The following PDE1C variants were observed in gnomAD, a reference collection of about 807,000 sequenced individuals.
PDE1C encodes phosphodiesterase 1C.
A neutral mutation model predicts 93.1 loss-of-function variants in PDE1C; 62 were observed. The ratio of observed to expected loss-of-function variants is 0.67; its 90% CI spans 0.54 to 0.82. PDE1C has a LOEUF of 0.82. Ranked by LOEUF, PDE1C falls within the 40% of genes least tolerant of loss-of-function variation. PDE1C has a pLI of 0.00. For synonymous variants in PDE1C, 325 were observed against 310.1 expected, an observed-to-expected ratio of 1.05 and a Z score of -0.50; for missense variants, 742 against 884.6, an observed-to-expected ratio of 0.84 and a Z score of 2.04.
At chr7:32,293,761 G>A (rs1812475448) in intron 1 of PDE1C, among the ~76,000 whole-genome samples, 1 of 152,166 alleles carries the variant, frequency 6.6e-6, no homozygotes, top group Non-Finnish European at 1.5e-5. Context: ...GTAGGTCCAT[G>A]AGCACTGGGA....
intron 1 of PDE1C, among the ~76,000 whole-genome samples, chr7:32,360,296 A>G (rs1277708598): frequency 2.0e-5 from 3 of 152,208 alleles, no homozygotes; most frequent in Admixed American, 1.3e-4. Context: ...AAGATGAGAG[A>G]CCTAAAGCAA....
At chr7:32,240,068 G>C (rs1165265121) in intron 1 of PDE1C, among the ~76,000 whole-genome samples, 2 of 152,178 alleles carry the variant, frequency 1.3e-5, no homozygotes, top group Non-Finnish European at 2.9e-5. Flanking sequence ...TGTTTGTGTG[G>C]ATTTTTTGTT....
the PDE1C span, among the ~76,000 whole-genome samples, chr7:31,628,220 C>T: frequency 1.3e-5 from 2 of 152,166 alleles, no homozygotes; most frequent in Non-Finnish European, 2.9e-5. Context: ...GCCCTTCAAT[C>T]TCCTACTCCT....
intron 6 of PDE1C, among the ~76,000 whole-genome samples, chr7:31,870,224 T>C (rs1795768966): frequency 6.6e-6 from 1 of 151,384 alleles, no homozygotes; most frequent in African/African-American, 2.4e-5. Flanking sequence ...CAAACTGAAA[T>C]TAGTAAAAAA....
intron 2 of PDE1C, among the ~76,000 whole-genome samples, chr7:32,021,703 T>C (rs1271691027): frequency 6.6e-6 from 1 of 152,100 alleles, no homozygotes; most frequent in Non-Finnish European, 1.5e-5. Flanking sequence ...CCTCTAGCAT[T>C]TTCAGTTTAT....
chr7:31,917,554 A>C (rs1376149529), intron 2 of PDE1C, among the ~76,000 whole-genome samples: 1 of 152,112 alleles, frequency 6.6e-6, no homozygotes, highest in Non-Finnish European at 1.5e-5. Flanking sequence ...TAATAACATC[A>C]ACTGTCTTAA....
exon 1 of PDE1C, chr7:32,299,322 A>G (rs1409830823): frequency 1.0e-6 from 1 of 985,632 alleles, no homozygotes; most frequent in Non-Finnish European, 1.2e-6. Flanking sequence ...ACTCCAAACA[A>G]GGAAGTCGGG....
At chr7:32,420,085 G>A (rs1785362014) in intron 1 of PDE1C, among the ~76,000 whole-genome samples, 1 of 96,890 alleles carries the variant, frequency 1.0e-5, no homozygotes, top group African/African-American at 4.0e-5. Context: ...ATAGCCAGGT[G>A]TGGTGGCATA....
At chr7:31,985,420 A>C (rs974384040) in intron 2 of PDE1C, among the ~76,000 whole-genome samples, 1 of 152,008 alleles carries the variant, frequency 6.6e-6, no homozygotes, top group African/African-American at 2.4e-5. Flanking sequence ...GTTTTTTATT[A>C]TTTATTTATT....
At chr7:32,350,515 G>C (rs1783941792) in intron 1 of PDE1C, among the ~76,000 whole-genome samples, 1 of 148,738 alleles carries the variant, frequency 6.7e-6, no homozygotes, top group African/African-American at 2.6e-5. Flanking sequence ...TTAGAATCTG[G>C]TCCAACTAAG....
At chr7:32,317,038 C>T (rs951635360) in intron 1 of PDE1C, among the ~76,000 whole-genome samples, 3 of 152,178 alleles carry the variant, frequency 2.0e-5, no homozygotes, top group Admixed American at 1.3e-4. Flanking sequence ...GCCAGCGCTC[C>T]ACACACGCCT....
chr7:32,396,111 C>T (rs1396424624), intron 1 of PDE1C, among the ~76,000 whole-genome samples: 1 of 152,062 alleles, frequency 6.6e-6, no homozygotes, highest in Non-Finnish European at 1.5e-5. Flanking sequence ...AGCTGGAAAA[C>T]CCAAAAGAGA....
intron 1 of PDE1C, among the ~76,000 whole-genome samples, chr7:32,385,190 G>C (rs187683982): frequency 6.6e-6 from 1 of 152,216 alleles, no homozygotes; most frequent in Admixed American, 6.5e-5. Flanking sequence ...TGAGAGAGAA[G>C]ATGAATTCAC....
In PDE1C at chr7:32,420,283, ATGTG is replaced by A. The variant is rs565303657; in HGVS notation, c.310+7535_310+7538del. ...TGTATATATATGTGTATATATATAC[ATGTG>A]TATATATATGTGTATATATATACAT... On this transcript the variant is annotated intron_variant, in intron 1 of 1. Transcript: ENST00000672256. Among the ~76,000 whole-genome samples the A allele has an allele frequency of 1.8e-4, 5 of 28,442 alleles. 2 individuals are homozygous for A. Among genetic ancestry groups the A allele is most frequent in the Non-Finnish European group, 3.6e-4 (5 of 13,714 alleles). The allele number at this position is 28,442 out of a possible 152,430, so 18.7% of individuals were successfully genotyped here.
intron 1 of PDE1C, among the ~76,000 whole-genome samples, chr7:32,350,547 AATATAT>A (rs1180195472): frequency 2.4e-5 from 1 of 41,080 alleles, no homozygotes; most frequent in African/African-American, 1.2e-4. Flanking sequence ...GCATTTGACT[AATATAT>A]ATATATATAT....
chr7:32,358,916 T>TGTGTGTGTGTGTGTGTGTGTGTGTGTGA (rs1784082339), intron 1 of PDE1C, among the ~76,000 whole-genome samples: 1 of 151,840 alleles, frequency 6.6e-6, no homozygotes, highest in Non-Finnish European at 1.5e-5. Context: ...TGTGTGTGTG[T>TGTGTGTGTGTGTGTGTGTGTGTGTGTGA]AACAGTCTCT....
chr7:31,745,319 C>A, the PDE1C span, among the ~76,000 whole-genome samples: 1 of 152,150 alleles, frequency 6.6e-6, no homozygotes, highest in African/African-American at 2.4e-5. Flanking sequence ...TATCTTGTTT[C>A]CATTTGGTAC....
intron 3 of PDE1C, among the ~76,000 whole-genome samples, chr7:32,146,382 C>T (rs1454385675): frequency 6.6e-6 from 1 of 152,160 alleles, no homozygotes; most frequent in Non-Finnish European, 1.5e-5. Context: ...CAGTGCCTCG[C>T]AGAGGAGGAC....
At chr7:32,090,182 A>AT (rs1554500850) in intron 3 of PDE1C, among the ~76,000 whole-genome samples, 5 of 149,490 alleles carry the variant, frequency 3.3e-5, no homozygotes, top group African/African-American at 1.3e-4. Context: ...AATAACATAA[A>AT]TAAAAAAATA....
Sources: gnomAD v4.1 joint callset for allele counts (sites outside exome capture counted in the v4.1 genomes callset) on GRCh38, gnomAD v4.1.1 for gene constraint, MANE v1.5 for transcripts, NCBI Gene and HGNC (gene_info 2026-07-23, HGNC 2026-07-21) for gene names.